Variants in NFKB1 observed in about 807,000 individuals in gnomAD.
The protein encoded by NFKB1 is nuclear factor kappa B subunit 1.
In NFKB1, 9 loss-of-function variants were observed where a neutral mutation model predicts 105.1. The ratio of observed to expected loss-of-function variants is 0.09; its 90% CI spans 0.05 to 0.15. NFKB1 has a LOEUF of 0.15. Ranked by LOEUF, NFKB1 falls within the 10% of genes least tolerant of loss-of-function variation. NFKB1 has a pLI of 1.00. For synonymous variants in NFKB1, 440 were observed against 442.2 expected, an observed-to-expected ratio of 1.00 and a Z score of 0.06; for missense variants, 830 against 1,203.7, an observed-to-expected ratio of 0.69 and a Z score of 4.59.
intron 5 of NFKB1, among the ~76,000 whole-genome samples, chr4:102,559,845 A>G (rs1723257394): frequency 1.3e-5 from 2 of 151,672 alleles, no homozygotes; most frequent in Non-Finnish European, 2.9e-5. Context: ...AGGCTGAGGC[A>G]GGAAGATTGC....
chr4:102,588,299 G>A (rs989797765), intron 11 of NFKB1, among the ~76,000 whole-genome samples: 10 of 152,018 alleles, frequency 6.6e-5, no homozygotes, highest in East Asian at 1.9e-4. Context: ...GAACCAGCCC[G>A]GAGCTTTGCA....
intron 8 of NFKB1, among the ~76,000 whole-genome samples, chr4:102,579,478 GA>G (rs1455985796): frequency 1.3e-5 from 2 of 151,824 alleles, no homozygotes; most frequent in Non-Finnish European, 2.9e-5. Context: ...AGAGAAACTT[GA>G]AGTTAAATGA....
intron 12 of NFKB1, among the ~76,000 whole-genome samples, chr4:102,594,313 GA>G (rs1337565086): frequency 4.6e-5 from 7 of 152,084 alleles, no homozygotes; most frequent in African/African-American, 1.7e-4. Context: ...ATGCTATACT[GA>G]ACCTCTGTCC....
intron 11 of NFKB1, among the ~76,000 whole-genome samples, chr4:102,592,658 A>T (rs182999634): frequency 1.0e-3 from 153 of 152,322 alleles, no homozygotes; most frequent in African/African-American, 3.5e-3. Context: ...CAAAAACATC[A>T]TGTGACTTGG....
Position 102,587,189 on chromosome 4 carries a change from A to G in NFKB1, c.1066+2369A>G, listed in dbSNP as rs144363675. ...CTGTCCCACCTCTCCTTACTTCCCT[A>G]TCAGGAGCTGCTGGAGGTCTTTTGA... is the stretch of plus-strand genomic sequence containing the variant. On this transcript the variant is annotated intron_variant, in intron 11 of 23. Coordinates refer to ENST00000226574, the MANE Select transcript of NFKB1 (RefSeq NM_003998.4). Among the ~76,000 whole-genome samples, 16 of 152,304 alleles carry G rather than the reference A, an allele frequency of 1.1e-4. No homozygotes were observed. In the East Asian group the frequency reaches 1.2e-3, roughly 11 times the overall value.
At chr4:102,570,706 A>C (rs230501) in intron 6 of NFKB1, among the ~76,000 whole-genome samples, 101,217 of 151,960 alleles carry the variant, frequency 0.67, 34,130 homozygotes, top group Middle Eastern at 0.76. Flanking sequence ...AACAGAGAGC[A>C]AAATCATGAG....
intron 23 of NFKB1, among the ~76,000 whole-genome samples, chr4:102,614,139 C>A (rs1218125433): frequency 6.6e-6 from 1 of 152,198 alleles, no homozygotes; most frequent in Non-Finnish European, 1.5e-5. Flanking sequence ...TCATGCAACA[C>A]CCTTGCTTCA....
At chr4:102,604,351 G>C (rs12509517) in intron 16 of NFKB1, among the ~76,000 whole-genome samples, 37,801 of 151,900 alleles carry the variant, frequency 0.25, 5,875 homozygotes, top group East Asian at 0.41. Context: ...GGAAGTCCTA[G>C]TATTTACTGC....
At chr4:102,502,427 C>CACACACAT (rs2149090144) in intron 1 of NFKB1, among the ~76,000 whole-genome samples, 1 of 134,742 alleles carries the variant, frequency 7.4e-6, no homozygotes, top group South Asian at 2.6e-4. Context: ...CACACACACA[C>CACACACAT]GATATAGTCA....
intron 5 of NFKB1, among the ~76,000 whole-genome samples, chr4:102,564,165 GA>G (rs1723665628): frequency 1.3e-5 from 2 of 152,062 alleles, no homozygotes; most frequent in South Asian, 4.1e-4. Context: ...CAGACGCTTT[GA>G]AAAAAACCTA....
At chr4:102,587,257 A>C (rs1725785421) in intron 11 of NFKB1, among the ~76,000 whole-genome samples, 1 of 152,208 alleles carries the variant, frequency 6.6e-6, no homozygotes, top group Non-Finnish European at 1.5e-5. Context: ...CACTGCTTTA[A>C]TTTAAACACC....
In NFKB1 at chr4:102,559,823, TA is replaced by T. The variant is rs573814318; in HGVS notation, c.259-7163del. Among the ~76,000 whole-genome samples, 113 of 151,042 alleles carry T rather than the reference TA, an allele frequency of 7.5e-4. 1 individual carries two copies. The highest frequency in any genetic ancestry group is 2.3e-3 in the South Asian group (11 of 4,784). ...GTGTGGTGGCATGCACCTGTAGTCC[TA>T]GCTACCTAGGAGGCTGAGGCAGGAA... On this transcript the variant is annotated intron_variant, in intron 5 of 23. Transcript: ENST00000226574.
chr4:102,544,166 A>T (rs1721951881), intron 5 of NFKB1, among the ~76,000 whole-genome samples: 1 of 152,008 alleles, frequency 6.6e-6, no homozygotes, highest in South Asian at 2.1e-4. Flanking sequence ...TCATATTTTC[A>T]AAGGGAAAGA....
intron 1 of NFKB1, among the ~76,000 whole-genome samples, chr4:102,524,547 A>C (rs1740777371): frequency 6.6e-6 from 1 of 152,138 alleles, no homozygotes; most frequent in Admixed American, 6.5e-5. Context: ...TGATTTTGTG[A>C]TGATTCAAGC....
At chr4:102,581,835 A>G (rs1725339033) in intron 9 of NFKB1, among the ~76,000 whole-genome samples, 1 of 152,200 alleles carries the variant, frequency 6.6e-6, no homozygotes, top group Non-Finnish European at 1.5e-5. Context: ...ATGGCTTAGT[A>G]AGAAATGTCT....
intron 1 of NFKB1, among the ~76,000 whole-genome samples, chr4:102,504,006 G>T (rs143385330): frequency 2.0e-3 from 303 of 152,276 alleles, no homozygotes; most frequent in African/African-American, 6.8e-3. Flanking sequence ...CCATCAGCAA[G>T]ACCTTATTTT....
chr4:102,507,373 G>A (rs1739489554), intron 1 of NFKB1, among the ~76,000 whole-genome samples: 2 of 152,116 alleles, frequency 1.3e-5, no homozygotes, highest in African/African-American at 4.8e-5. Flanking sequence ...GCTACTAGTA[G>A]AAATGTATGG....
chr4:102,607,590 G>C (rs1176568003), intron 18 of NFKB1, 59 bp from the exon 19 acceptor site: 13 of 1,536,028 alleles, frequency 8.5e-6, no homozygotes, highest in African/African-American at 2.7e-5. Context: ...ACTGGGAGGT[G>C]GGGACAAAAG....
chr4:102,572,482 A>C (rs997149983), intron 6 of NFKB1, among the ~76,000 whole-genome samples: 3 of 152,226 alleles, frequency 2.0e-5, no homozygotes. Flanking sequence ...ATAATAAAAA[A>C]TAAGCAAGTT....
Sources: gnomAD v4.1 joint callset for allele counts (sites outside exome capture counted in the v4.1 genomes callset) on GRCh38, gnomAD v4.1.1 for gene constraint, MANE v1.5 for transcripts, NCBI Gene and HGNC (gene_info 2026-07-23, HGNC 2026-07-21) for gene names.